PPIP5K1: variants seen among roughly 807,000 people sequenced by gnomAD.
PPIP5K1 encodes diphosphoinositol pentakisphosphate kinase 1, also known as inositol hexakisphosphate and diphosphoinositol-pentakisphosphate kinase 1.
In PPIP5K1, 6 loss-of-function variants were observed where a neutral mutation model predicts 27.7. The observed-to-expected ratio is 0.22, with a 90% confidence interval of 0.12 to 0.43. The LOEUF (loss-of-function observed/expected upper bound fraction) is 0.43, where lower values mean the gene tolerates loss of function less well. Among genes scored for constraint, PPIP5K1 ranks in the 20% least tolerant of loss-of-function variants. The pLI is 1.00. For missense variants in PPIP5K1, 394 were observed against 635.4 expected, an observed-to-expected ratio of 0.62 and a Z score of 4.08; for synonymous variants, 145 against 242.6, an observed-to-expected ratio of 0.60 and a Z score of 3.74.
chr15:43,536,075 T>A, intron 31 of PPIP5K1: 1 of 1,280,374 alleles, frequency 7.8e-7, no homozygotes, highest in South Asian at 1.2e-5. Flanking sequence ...AAATGATAAG[T>A]TGGCAGAAGA....
At position 43,559,079 on chromosome 15, in the gene PPIP5K1, C is replaced by G. The variant is rs567316760; in HGVS notation, c.3419-147G>C. 85 of 866,412 alleles carry G rather than the reference C, an allele frequency of 9.8e-5. 1 individual carries two copies. The South Asian group carries it at 1.4e-3, about 14-fold the overall frequency. The allele number at this position is 866,412 out of a possible 1,614,324, so 53.7% of individuals were successfully genotyped here. Reference sequence around the variant, plus strand: ...TATCCAAGACTCTTAGGAGAGGGAACTCTTTAGAGCCCCTAGGGAGTCTGT... The same window carrying G: ...TATCCAAGACTCTTAGGAGAGGGAAGTCTTTAGAGCCCCTAGGGAGTCTGT... On this transcript the variant is annotated intron_variant, in intron 29 of 31. Coordinates refer to ENST00000420765, the MANE Select transcript of PPIP5K1 (RefSeq NM_001394395.1).
chr15:43,536,647 G>A (rs927835779), intron 31 of PPIP5K1, among the ~76,000 whole-genome samples: 3 of 152,202 alleles, frequency 2.0e-5, no homozygotes, highest in African/African-American at 4.8e-5. Flanking sequence ...GAGTTAAGAC[G>A]CTTGTAAGTC....
chr15:43,537,811 C>T (rs1010811814), intron 31 of PPIP5K1, among the ~76,000 whole-genome samples: 7 of 148,600 alleles, frequency 4.7e-5, no homozygotes, highest in Admixed American at 6.8e-5. Context: ...CTAAAGAAGA[C>T]GTTTACCAGT....
At chr15:43,561,041 T>TTCAAA (rs761177637) in intron 28 of PPIP5K1, among the ~76,000 whole-genome samples, 5 of 122,046 alleles carry the variant, frequency 4.1e-5, no homozygotes, top group South Asian at 3.1e-4. Context: ...AATGAAAAAG[T>TTCAAA]GATGGTATTG....
At chr15:43,558,757 G>C in intron 30 of PPIP5K1, 38 bp downstream of exon 30, 2 of 1,609,954 alleles carry the variant, frequency 1.2e-6, no homozygotes, top group South Asian at 1.1e-5. Flanking sequence ...ATGGGCATGG[G>C]GGCAGAGAGA....
intron 30 of PPIP5K1, among the ~76,000 whole-genome samples, chr15:43,542,083 G>C: frequency 6.6e-6 from 1 of 152,150 alleles, no homozygotes; most frequent in African/African-American, 2.4e-5. Flanking sequence ...GTGATCCTTT[G>C]AGGAATGTCT....
chr15:43,534,658 G>T lies in PPIP5K1; in HGVS notation c.*16C>A. 2.6e-6 allele frequency: 4 copies of T among 1,516,406 alleles called. No individual in the cohort carries two copies. The highest frequency in any genetic ancestry group is 3.5e-6 in the Non-Finnish European group (4 of 1,135,580). The allele number at this position is 1,516,406 out of a possible 1,614,324, so 93.9% of individuals were successfully genotyped here. A position where few individuals can be genotyped will look rare whatever the true frequency, so the allele number is the denominator to read the frequency against. Reference sequence around the variant, plus strand: ...CCAGGCAGCTGATCAATCACTTCAGGGACCACCCAGGACTTCTAATTTATC... The same window carrying T: ...CCAGGCAGCTGATCAATCACTTCAGTGACCACCCAGGACTTCTAATTTATC... On this transcript the variant is annotated 3_prime_UTR_variant, in exon 32 of 32. Transcript: ENST00000420765.
Position 43,567,118 on chromosome 15 carries a change from G to GTT in PPIP5K1, c.3046+1343_3046+1344dup, listed in dbSNP as rs148202516. Among the ~76,000 whole-genome samples, 112 of 96,920 alleles carry GTT rather than the reference G, an allele frequency of 1.2e-3. 2 individuals are homozygous for GTT. Among genetic ancestry groups the GTT allele is most frequent in the Non-Finnish European group, 1.4e-3 (79 of 56,520 alleles). 63.6% of individuals were successfully genotyped at this position (96,920 alleles called of 152,430 possible). A position where few individuals can be genotyped will look rare whatever the true frequency, so the allele number is the denominator to read the frequency against. ...TAGATCTACACTATTGTTGTTTCGGGTTTTTTTTTTTTTTTTGAGACAGAG... is the reference window on the plus strand; with the variant it reads ...TAGATCTACACTATTGTTGTTTCGGGTTTTTTTTTTTTTTTTTTGAGACAGAG... On this transcript the variant is annotated intron_variant, in intron 26 of 31. Transcript: ENST00000420765.
At chr15:43,548,169 G>A (rs2081613339) in intron 30 of PPIP5K1, among the ~76,000 whole-genome samples, 1 of 151,594 alleles carries the variant, frequency 6.6e-6, no homozygotes, top group Admixed American at 6.6e-5. Context: ...CGCGATCTTG[G>A]CTCACTGCAA....
At chr15:43,545,161 G>A (rs2081216411) in intron 30 of PPIP5K1, among the ~76,000 whole-genome samples, 1 of 149,090 alleles carries the variant, frequency 6.7e-6, no homozygotes, top group Non-Finnish European at 1.5e-5. Flanking sequence ...CTGGGCGACA[G>A]AGCAAGAGTC....
chr15:43,548,248 G>A lies in PPIP5K1; in HGVS notation c.3557-8665C>T, dbSNP rs190185602. ...TGAGTAGCTGGGACTACAGGCACCC[G>A]CCACTGTGCCTGGCTATTTTTTTTA... On this transcript the variant is annotated intron_variant, in intron 30 of 31. Coordinates refer to ENST00000420765, the MANE Select transcript of PPIP5K1 (RefSeq NM_001394395.1). Among the ~76,000 whole-genome samples the A allele has an allele frequency of 2.0e-5, 3 of 151,752 alleles. 1 individual carries two copies. The East Asian group carries it at 5.8e-4, about 30-fold the overall frequency.
intron 30 of PPIP5K1, among the ~76,000 whole-genome samples, chr15:43,553,714 G>A (rs1459660190): frequency 6.7e-6 from 1 of 148,926 alleles, no homozygotes; most frequent in East Asian, 2.0e-4. Flanking sequence ...GCGCGATCTC[G>A]GCTTATTGCA....
At chr15:43,555,300 C>T (rs527610838) in intron 30 of PPIP5K1, among the ~76,000 whole-genome samples, 5 of 152,078 alleles carry the variant, frequency 3.3e-5, no homozygotes, top group East Asian at 3.9e-4. Flanking sequence ...TTTTGAGACA[C>T]GGTCTCAGTC....
chr15:43,556,672 G>A (rs1477029718), intron 30 of PPIP5K1, among the ~76,000 whole-genome samples: 2 of 152,156 alleles, frequency 1.3e-5, no homozygotes, highest in South Asian at 4.1e-4. Context: ...AACAAATGTA[G>A]GCACTTTGTG....
chr15:43,537,912 A>G (rs1003281047), intron 31 of PPIP5K1, among the ~76,000 whole-genome samples: 6 of 151,706 alleles, frequency 4.0e-5, no homozygotes, highest in Admixed American at 2.6e-4. Flanking sequence ...ACCCAAGTAA[A>G]GAAGTAGCCT....
chr15:43,542,100 C>T (rs1190876627), intron 30 of PPIP5K1, among the ~76,000 whole-genome samples: 1 of 152,158 alleles, frequency 6.6e-6, no homozygotes. Flanking sequence ...GTCTAGTTCT[C>T]CACCATCAAC....
At position 43,580,592 on chromosome 15, in the gene PPIP5K1, A is replaced by T. The variant is rs550634542; in HGVS notation, c.1061+410T>A. Among the ~76,000 whole-genome samples, 403 of 126,584 alleles carry T rather than the reference A, an allele frequency of 3.2e-3. 57 individuals carry two copies. In the South Asian group the frequency reaches 0.043, roughly 14 times the overall value. The allele number at this position is 126,584 out of a possible 152,430, so 83.0% of individuals were successfully genotyped here. On this transcript the variant is annotated intron_variant, in intron 10 of 31. Coordinates refer to ENST00000420765, the MANE Select transcript of PPIP5K1 (RefSeq NM_001394395.1). ...TTTTTATTTTTTAATTTAATTAATTAATTAATTTATTTATTTATTGGGACG... is the reference window on the plus strand; with the variant it reads ...TTTTTATTTTTTAATTTAATTAATTTATTAATTTATTTATTTATTGGGACG...
In PPIP5K1 at chr15:43,535,352, A is replaced by C. The variant is rs2140270535; in HGVS notation, c.3795T>G (p.His1265Gln). 1 of 1,614,056 alleles carries C rather than the reference A, an allele frequency of 6.2e-7. No homozygotes were observed. The highest frequency in any genetic ancestry group is 2.2e-5 in the East Asian group (1 of 44,874). ...TCTCCTGGAGCAGCCCAAGGCCTTG[A>C]TGTTCTTCAGCCACGTGTGAATTTA... ...PSLNSHVAEE[H>Q]QGLGLLQETP... Residue 1265 changes from histidine to glutamine, a missense_variant, in exon 32 of 32, where the codon CAT becomes CAG. Physicochemically the swap from His to Gln is conservative, Grantham distance 24 (BLOSUM62 0). Coordinates refer to ENST00000420765, the MANE Select transcript of PPIP5K1 (RefSeq NM_001394395.1).
Position 43,539,580 on chromosome 15 carries a change from A to C in PPIP5K1, c.3560T>G (p.Leu1187Arg). The change falls in exon 31 of 32, where the codon CTC (leucine) becomes CGC (arginine). Residue 1187 changes from leucine (L) to arginine (R), a missense_variant. This residue lies in a region of PPIP5K1 where 379 missense variants were observed against 423.9 expected (regional missense o/e 0.89). Transcript: ENST00000420765. ...TDAQAQASAA[L>R]FDSMHSSQAS... is the part of the protein sequence containing the mutation. ...CTGGCTGCTGTGCATGGAATCAAAG[A>C]GGGCTGGAAAGGAGGTAGGGTGAAG... 1.3e-6 allele frequency: 2 copies of C among 1,571,600 alleles called. No homozygotes were observed. Among genetic ancestry groups the C allele is most frequent in the Non-Finnish European group, 1.7e-6 (2 of 1,145,158 alleles).
Sources: gnomAD v4.1 joint callset for allele counts (sites outside exome capture counted in the v4.1 genomes callset) on GRCh38, gnomAD v4.1.1 for gene constraint, gnomAD v4.1.1 regional missense constraint, MANE v1.5 for transcripts, NCBI Gene and HGNC (gene_info 2026-07-23, HGNC 2026-07-21) for gene names.